The following CNTN4 variants were observed in gnomAD, a reference collection of about 807,000 sequenced individuals.
CNTN4 encodes contactin 4.
CNTN4 carries 77 observed loss-of-function variants against 122.5 expected under a neutral mutation model. The observed-to-expected ratio is 0.63, with a 90% CI of 0.52 to 0.76. The LOEUF is 0.76. Among genes scored for constraint, CNTN4 ranks in the 30% least tolerant of loss-of-function variants. The pLI, the probability that CNTN4 is intolerant of heterozygous loss-of-function variation, is 0.00. For missense variants in CNTN4, 1,256 were observed against 1,259.1 expected, an observed-to-expected ratio of 1.00 and a Z score of 0.04; for synonymous variants, 512 against 447.0, an observed-to-expected ratio of 1.15 and a Z score of -1.83.
At chr3:2,976,668 C>T (rs1444227940) in intron 13 of CNTN4, among the ~76,000 whole-genome samples, 6 of 152,188 alleles carry the variant, frequency 3.9e-5, no homozygotes, top group Non-Finnish European at 8.8e-5. Context: ...TCTCAATTGA[C>T]TCTTTGTAAA....
At chr3:2,592,375 G>A (rs2080538337) in intron 4 of CNTN4, among the ~76,000 whole-genome samples, 1 of 152,204 alleles carries the variant, frequency 6.6e-6, no homozygotes, top group Non-Finnish European at 1.5e-5. Flanking sequence ...AAGTGTTTAA[G>A]TTTTCTGAAA....
At chr3:2,947,612 A>AT (rs1005330345) in intron 13 of CNTN4, among the ~76,000 whole-genome samples, 1 of 152,054 alleles carries the variant, frequency 6.6e-6, no homozygotes, top group African/African-American at 2.4e-5. Flanking sequence ...TACTCTTGTT[A>AT]TTTTTTGGTT....
chr3:2,466,946 T>TTTTC lies in CNTN4; in HGVS notation c.-88-104446_-88-104443dup, dbSNP rs902151070. On this transcript the variant is annotated intron_variant, in intron 3 of 24. Coordinates refer to ENST00000418658, the MANE Select transcript of CNTN4 (RefSeq NM_175607.3). ...CTTCATTTCTTCGTTAAATTAGTTTTTTTCTTTCTTTCTTTCTTTCTTTCT... is the reference window on the plus strand; with the variant it reads ...CTTCATTTCTTCGTTAAATTAGTTTTTTTCTTTCTTTCTTTCTTTCTTTCTTTCT... Among the ~76,000 whole-genome samples, 604 of 148,548 alleles carry TTTTC rather than the reference T, an allele frequency of 4.1e-3. 3 individuals are homozygous for TTTTC. The highest frequency in any genetic ancestry group is 5.9e-3 in the African/African-American group (236 of 39,822).
intron 2 of CNTN4, among the ~76,000 whole-genome samples, chr3:2,180,324 T>C (rs1020180850): frequency 3.3e-5 from 5 of 152,026 alleles, no homozygotes; most frequent in Non-Finnish European, 5.9e-5. Flanking sequence ...TTCTTCACAA[T>C]AGTCTAGAAG....
At chr3:2,368,109 T>C (rs1228409193) in intron 3 of CNTN4, among the ~76,000 whole-genome samples, 2 of 146,806 alleles carry the variant, frequency 1.4e-5, no homozygotes, top group African/African-American at 2.6e-5. Context: ...CTCGGCTCAC[T>C]GCAAGCTCTG....
At chr3:2,818,842 A>T (rs1294937892) in intron 6 of CNTN4, among the ~76,000 whole-genome samples, 1 of 152,200 alleles carries the variant, frequency 6.6e-6, no homozygotes, top group Non-Finnish European at 1.5e-5. Context: ...CACCACAAGA[A>T]CTTTAAAACA....
At chr3:2,649,346 C>T (rs2083265181) in intron 4 of CNTN4, among the ~76,000 whole-genome samples, 1 of 152,162 alleles carries the variant, frequency 6.6e-6, no homozygotes, top group Non-Finnish European at 1.5e-5. Context: ...GACGGGCTTA[C>T]TTTCTTGTTA....
chr3:2,343,470 C>T (rs1012277069), intron 3 of CNTN4, among the ~76,000 whole-genome samples: 1 of 152,178 alleles, frequency 6.6e-6, no homozygotes, highest in Non-Finnish European at 1.5e-5. Flanking sequence ...TTATTGGTCA[C>T]TCTCTGCAAC....
At chr3:2,892,073 C>A (rs769911390) in intron 10 of CNTN4, 3 of 152,114 alleles carry the variant, frequency 2.0e-5, no homozygotes, top group Non-Finnish European at 2.9e-5. Flanking sequence ...GAAATTGAGT[C>A]CCAAAGAGAT....
In CNTN4 at chr3:2,549,966, G is replaced by T. The variant is rs530708772; in HGVS notation, c.-88-21450G>T. ...TCCAGCAATTCATCCATTTCTTCTA[G>T]ATTTTCCAGTTTATTTGCGTAGAGG... On this transcript the variant is annotated intron_variant, in intron 3 of 24. Coordinates refer to ENST00000418658, the MANE Select transcript of CNTN4 (RefSeq NM_175607.3). 1.5e-3 allele frequency among the ~76,000 whole-genome samples: 223 copies of T among 152,212 alleles called. 1 individual carries two copies. Among genetic ancestry groups the T allele is most frequent in the South Asian group, 2.7e-3 (13 of 4,824 alleles).
intron 6 of CNTN4, among the ~76,000 whole-genome samples, chr3:2,808,529 T>C (rs1026416499): frequency 1.3e-5 from 2 of 152,214 alleles, no homozygotes; most frequent in Admixed American, 1.3e-4. Context: ...ATTATCACAC[T>C]AGATGAAGAA....
At chr3:2,854,431 C>A (rs2093596371) in intron 7 of CNTN4, among the ~76,000 whole-genome samples, 1 of 64,626 alleles carries the variant, frequency 1.5e-5, no homozygotes, top group Admixed American at 1.5e-4. Flanking sequence ...TGCCACCACG[C>A]CTGGCTAATT....
In CNTN4 at chr3:3,057,674, A is replaced by G. The variant is rs1017877757; in HGVS notation, c.*1454A>G. The G allele has an allele frequency of 2.4e-4, 36 of 152,654 alleles. No individual in the cohort carries two copies. Among genetic ancestry groups the G allele is most frequent in the Non-Finnish European group, 3.8e-4 (26 of 68,034 alleles). 9.5% of individuals were successfully genotyped at this position (152,654 alleles called of 1,614,324 possible). On this transcript the variant is annotated 3_prime_UTR_variant, in exon 25 of 25. Transcript: ENST00000418658. The stretch of plus-strand genomic sequence containing the variant: ...AACCTTCTAGTTATATTTATCCAAT[A>G]AAGTCATAATCGGGATTCCATTTGT...
intron 6 of CNTN4, among the ~76,000 whole-genome samples, chr3:2,810,200 A>G (rs2092571108): frequency 6.6e-6 from 1 of 152,224 alleles, no homozygotes; most frequent in African/African-American, 2.4e-5. Context: ...TTAAATGAGA[A>G]TAGTAATAGA....
At chr3:2,526,597 G>T (rs535132602) in intron 3 of CNTN4, among the ~76,000 whole-genome samples, 7 of 152,072 alleles carry the variant, frequency 4.6e-5, no homozygotes, top group Non-Finnish European at 7.4e-5. Flanking sequence ...ACCAAAATAC[G>T]TATGGGATTT....
rs1012081181 is a variant in CNTN4, at chr3:2,999,839, A to G, written c.1486+11367A>G. ...CAAACCATAGAAGGGATTTATGTCA[A>G]TGGGGGAATGAAATCCCTAGCCATT... On this transcript the variant is annotated intron_variant, in intron 14 of 24. Transcript: ENST00000418658. Among the ~76,000 whole-genome samples the G allele has an allele frequency of 3.0e-4, 46 of 152,200 alleles. 1 individual carries two copies. Among genetic ancestry groups the G allele is most frequent in the African/African-American group, 1.0e-3 (43 of 41,464 alleles).
intron 3 of CNTN4, among the ~76,000 whole-genome samples, chr3:2,416,191 C>G (rs937361639): frequency 6.6e-6 from 1 of 151,782 alleles, no homozygotes; most frequent in African/African-American, 2.4e-5. Context: ...AGCTTATTTC[C>G]TCATAGTGAT....
At chr3:2,681,369 C>T (rs2085156213) in intron 4 of CNTN4, among the ~76,000 whole-genome samples, 1 of 152,162 alleles carries the variant, frequency 6.6e-6, no homozygotes, top group Non-Finnish European at 1.5e-5. Flanking sequence ...CCTGGAGCAG[C>T]GTGTGATCTC....
intron 4 of CNTN4, among the ~76,000 whole-genome samples, chr3:2,612,726 C>G (rs2081553404): frequency 6.6e-6 from 1 of 152,124 alleles, no homozygotes; most frequent in African/African-American, 2.4e-5. Context: ...AAGAAACCAA[C>G]AAGCTTTTCA....
Sources: gnomAD v4.1 joint callset for allele counts (sites outside exome capture counted in the v4.1 genomes callset) on GRCh38, gnomAD v4.1.1 for gene constraint, MANE v1.5 for transcripts, NCBI Gene and HGNC (gene_info 2026-07-23, HGNC 2026-07-21) for gene names.